The following NFIA variants were observed in gnomAD, a reference collection of about 807,000 sequenced individuals.
NFIA encodes the protein nuclear factor 1 A-type.
NFIA carries 8 observed loss-of-function variants against 62.8 expected under a neutral mutation model. The observed-to-expected ratio is 0.13, with a 90% confidence interval of 0.07 to 0.23. The LOEUF is 0.23. NFIA is among the 10% of genes least tolerant of loss of function. NFIA has a pLI of 1.00. For synonymous variants in NFIA, 235 were observed against 238.1 expected, an observed-to-expected ratio of 0.99 and a Z score of 0.12; for missense variants, 410 against 642.1, an observed-to-expected ratio of 0.64 and a Z score of 3.91.
intron 7 of NFIA, among the ~76,000 whole-genome samples, chr1:61,393,287 CT>C (rs1665097295): frequency 4.3e-5 from 3 of 70,568 alleles, no homozygotes; most frequent in Non-Finnish European, 7.2e-5. Context: ...CTCTCTCTCT[CT>C]CTCCCTCTTT....
intron 3 of NFIA, among the ~76,000 whole-genome samples, chr1:61,302,334 C>T (rs1350250696): frequency 6.6e-6 from 1 of 152,144 alleles, no homozygotes; most frequent in East Asian, 1.9e-4. Flanking sequence ...GTTTTGTTCT[C>T]CAAATAGCTA....
chr1:61,215,437 A>G (rs369824382), intron 2 of NFIA, among the ~76,000 whole-genome samples: 3 of 152,162 alleles, frequency 2.0e-5, no homozygotes, highest in African/African-American at 7.2e-5. Context: ...TTATTAGGAG[A>G]TATTATTAGA....
At chr1:61,395,931 GCCTT>G (rs1471230976) in intron 7 of NFIA, among the ~76,000 whole-genome samples, 1 of 152,120 alleles carries the variant, frequency 6.6e-6, no homozygotes. Flanking sequence ...TGTTTTAAAA[GCCTT>G]CCTTATTTCA....
rs565591699 is a variant in NFIA at position 61,315,895 on chromosome 1, G to A, written c.626-16617G>A. Among the ~76,000 whole-genome samples the A allele has an allele frequency of 1.8e-4, 27 of 152,294 alleles. No individual in the cohort carries two copies. In the South Asian group the frequency reaches 5.4e-3, roughly 30 times the overall value. ...ACATGTTATTTCGTATTTCCATAGAGTCTGTGGACTTTTAGGTACAATGAT... is the reference window on the plus strand; with the variant it reads ...ACATGTTATTTCGTATTTCCATAGAATCTGTGGACTTTTAGGTACAATGAT... On this transcript the variant is annotated intron_variant, in intron 3 of 10. Transcript: ENST00000403491.
chr1:61,221,150 T>C (rs920162741), intron 2 of NFIA, among the ~76,000 whole-genome samples: 4 of 152,206 alleles, frequency 2.6e-5, no homozygotes, highest in African/African-American at 9.6e-5. Flanking sequence ...CAAACTTCAT[T>C]TATAATGTTG....
At chr1:61,142,883 G>A (rs1025975846) in intron 2 of NFIA, among the ~76,000 whole-genome samples, 3 of 152,252 alleles carry the variant, frequency 2.0e-5, no homozygotes, top group Non-Finnish European at 2.9e-5. Context: ...CCTTGCTGTG[G>A]CTCCTGAACA....
chr1:61,196,898 AGTGTGTGTGTGTGTGTGTGTGTGTGTGT>A (rs3030264), intron 2 of NFIA, among the ~76,000 whole-genome samples: 16 of 148,550 alleles, frequency 1.1e-4, no homozygotes, highest in African/African-American at 2.5e-4. Context: ...ACCTTAAAGG[AGTGTGTGTGTGTGTGTGTGTGTGTGTGT>A]GTGTGTGTGT....
intron 7 of NFIA, among the ~76,000 whole-genome samples, chr1:61,386,918 C>A (rs1419192821): frequency 6.6e-5 from 10 of 152,194 alleles, no homozygotes; most frequent in Admixed American, 6.5e-4. Context: ...TGAGGGCCCA[C>A]TTCCTGGTTC....
chr1:61,089,702 T>C (rs577494983), intron 2 of NFIA, among the ~76,000 whole-genome samples: 72 of 150,224 alleles, frequency 4.8e-4, no homozygotes, highest in African/African-American at 1.6e-3. Context: ...TTTCTTTTTT[T>C]TTTTTTTTTT....
chr1:61,369,415 G>A (rs1663766088), intron 6 of NFIA, among the ~76,000 whole-genome samples: 1 of 151,048 alleles, frequency 6.6e-6, no homozygotes, highest in South Asian at 2.1e-4. Flanking sequence ...GAGGAGGAAG[G>A]AAAGAAAAAA....
chr1:61,377,172 A>G (rs1478152896), intron 6 of NFIA, among the ~76,000 whole-genome samples: 2 of 151,890 alleles, frequency 1.3e-5, no homozygotes, highest in Non-Finnish European at 2.9e-5. Context: ...GCAGTGAGCC[A>G]AGATTGCACC....
In NFIA at chr1:61,205,418, T is replaced by C. The variant is rs112398775; in HGVS notation, c.560-72102T>C. On this transcript the variant is annotated intron_variant, in intron 2 of 10. Coordinates refer to ENST00000403491, the MANE Select transcript of NFIA (RefSeq NM_001134673.4). ...AAGCTAGCTCTCAGAGATGGGGCTT[T>C]CTCATAGGCATAGCAGTAATTATGT... Among the ~76,000 whole-genome samples the C allele has an allele frequency of 5.6e-3, 853 of 152,302 alleles. 11 individuals carry two copies. The highest frequency in any genetic ancestry group is 0.02 in the African/African-American group (818 of 41,570).
At chr1:61,077,564 C>A (rs1646047283), upstream of NFIA, 14 of 1,298,340 alleles carry the variant, frequency 1.1e-5, no homozygotes, top group Admixed American at 3.1e-5. Flanking sequence ...AAAAAGGGGA[C>A]AACAAATGAA....
intron 9 of NFIA, among the ~76,000 whole-genome samples, chr1:61,424,109 G>A (rs1010221423): frequency 6.6e-6 from 1 of 152,026 alleles, no homozygotes; most frequent in Non-Finnish European, 1.5e-5. Flanking sequence ...TAGCATGAAA[G>A]GCCTTCTGGG....
intron 2 of NFIA, among the ~76,000 whole-genome samples, chr1:61,222,487 C>G (rs965306687): frequency 2.6e-5 from 4 of 151,982 alleles, no homozygotes; most frequent in African/African-American, 9.7e-5. Context: ...GTGAATGTTA[C>G]CAGGAGTTTA....
chr1:61,147,764 G>C (rs1648114894), intron 2 of NFIA, among the ~76,000 whole-genome samples: 1 of 151,728 alleles, frequency 6.6e-6, no homozygotes, highest in Admixed American at 6.6e-5. Context: ...AATTTTTATA[G>C]TCCCAGCTGC....
intron 3 of NFIA, among the ~76,000 whole-genome samples, chr1:61,305,626 T>G (rs1425561735): frequency 6.6e-6 from 1 of 152,118 alleles, no homozygotes; most frequent in East Asian, 1.9e-4. Context: ...AGGGGTAGGA[T>G]TCCTTCAATG....
At chr1:61,312,869 T>TA (rs899109998) in intron 3 of NFIA, among the ~76,000 whole-genome samples, 17 of 151,590 alleles carry the variant, frequency 1.1e-4, no homozygotes, top group East Asian at 3.9e-4. Flanking sequence ...CATTAGATGT[T>TA]AAAAAAAAAT....
intron 2 of NFIA, among the ~76,000 whole-genome samples, chr1:61,266,491 C>T (rs1245066421): frequency 2.6e-5 from 4 of 151,968 alleles, no homozygotes; most frequent in East Asian, 1.9e-4. Flanking sequence ...GCCATCCTCC[C>T]GGTTCAAGCA....
Sources: gnomAD v4.1 joint callset for allele counts (sites outside exome capture counted in the v4.1 genomes callset) on GRCh38, gnomAD v4.1.1 for gene constraint, MANE v1.5 for transcripts, NCBI Gene and HGNC (gene_info 2026-07-23, HGNC 2026-07-21) for gene names.